CSMD1: variants seen among roughly 807,000 people sequenced by gnomAD.
CSMD1 encodes the protein CUB and sushi domain-containing protein 1.
A neutral mutation model predicts 417.5 loss-of-function variants in CSMD1; 213 were observed. That is an observed-to-expected ratio of 0.51 (90% CI 0.46 to 0.57). CSMD1 has a LOEUF of 0.57. CSMD1 is among the 20% of genes least tolerant of loss of function. The pLI, the probability that CSMD1 is intolerant of heterozygous loss-of-function variation, is 0.00. For missense variants in CSMD1, 6,923 were observed against 4,529.7 expected (o/e 1.53, Z -15.17); for synonymous variants, 2,862 against 1,736.8 (o/e 1.65, Z -16.11).
chr8:3,911,992 A>T (rs192718852), intron 5 of CSMD1, among the ~76,000 whole-genome samples: 6 of 152,198 alleles, frequency 3.9e-5, no homozygotes, highest in African/African-American at 1.4e-4. Flanking sequence ...ACCGATAAAA[A>T]TAGTTCAAAG....
intron 3 of CSMD1, among the ~76,000 whole-genome samples, chr8:4,388,321 GACACACAC>G (rs71205453): frequency 2.1e-4 from 20 of 95,596 alleles, no homozygotes; most frequent in Non-Finnish European, 3.9e-4. Flanking sequence ...CACACACACA[GACACACAC>G]ACACACACAC....
intron 3 of CSMD1, among the ~76,000 whole-genome samples, chr8:4,156,665 G>C (rs1796851982): frequency 6.6e-6 from 1 of 152,114 alleles, no homozygotes; most frequent in Non-Finnish European, 1.5e-5. Context: ...ATCTGCTTGT[G>C]ATTTAAGATA....
chr8:4,565,454 T>C (rs1798546470), intron 2 of CSMD1, among the ~76,000 whole-genome samples: 1 of 152,048 alleles, frequency 6.6e-6, no homozygotes, highest in Admixed American at 6.6e-5. Flanking sequence ...ATATAGATTT[T>C]AGCCCAGGCA....
intron 1 of CSMD1, among the ~76,000 whole-genome samples, chr8:4,765,769 C>T (rs1812423410): frequency 6.6e-6 from 1 of 152,108 alleles, no homozygotes. Context: ...GGGATAATTT[C>T]CATAATAGAG....
chr8:4,635,746 A>G (rs1802779716), intron 2 of CSMD1, among the ~76,000 whole-genome samples: 1 of 152,144 alleles, frequency 6.6e-6, no homozygotes, highest in Non-Finnish European at 1.5e-5. Flanking sequence ...TTTAAAGAGC[A>G]TAAATTATTT....
chr8:4,376,417 T>C lies in CSMD1; in HGVS notation c.415+43536A>G, dbSNP rs556989999. ...GTGCTGTGATTCTCTTGTGCATATTTTTTTCTTTACGTTTCAAAATATTTT... is the reference window on the plus strand; with the variant it reads ...GTGCTGTGATTCTCTTGTGCATATTCTTTTCTTTACGTTTCAAAATATTTT... On this transcript the variant is annotated intron_variant, in intron 3 of 69. Transcript: ENST00000635120. Among the ~76,000 whole-genome samples the C allele has an allele frequency of 2.6e-5, 4 of 152,324 alleles. No homozygotes were observed. The South Asian group carries it at 8.3e-4, about 32-fold the overall frequency.
intron 5 of CSMD1, among the ~76,000 whole-genome samples, chr8:3,913,336 G>C (rs1004076670): frequency 6.6e-6 from 1 of 152,014 alleles, no homozygotes; most frequent in Non-Finnish European, 1.5e-5. Context: ...AGAATCCAAG[G>C]CCAATCCGAT....
intron 7 of CSMD1, among the ~76,000 whole-genome samples, chr8:3,640,744 C>T (rs183234047): frequency 6.6e-6 from 1 of 152,260 alleles, no homozygotes; most frequent in East Asian, 1.9e-4. Context: ...GAAAAACATT[C>T]ATTGTACAGG....
At chr8:3,070,913 G>A (rs961411425) in intron 49 of CSMD1, among the ~76,000 whole-genome samples, 24 of 152,220 alleles carry the variant, frequency 1.6e-4, no homozygotes, top group Admixed American at 1.6e-3. Context: ...AGAAAAAGAG[G>A]TTTGATTGGC....
At chr8:3,548,659 TACACACACACACACACAC>T (rs146360407) in intron 10 of CSMD1, among the ~76,000 whole-genome samples, 1,932 of 133,112 alleles carry the variant, frequency 0.015, 17 homozygotes, top group East Asian at 0.073. Flanking sequence ...TATTCCATCA[TACACACACACACACACAC>T]ACACACACAC....
intron 65 of CSMD1, among the ~76,000 whole-genome samples, chr8:2,952,585 C>T (rs1802709928): frequency 6.6e-6 from 1 of 152,204 alleles, no homozygotes; most frequent in South Asian, 2.1e-4. Context: ...GACACATCTG[C>T]TTAGCCACTG....
intron 3 of CSMD1, among the ~76,000 whole-genome samples, chr8:4,169,537 C>T (rs780729395): frequency 6.6e-6 from 1 of 152,166 alleles, no homozygotes; most frequent in Non-Finnish European, 1.5e-5. Context: ...GAAATGGCAG[C>T]CTCCAAACTC....
intron 1 of CSMD1, among the ~76,000 whole-genome samples, chr8:4,714,584 A>G: frequency 6.6e-6 from 1 of 152,192 alleles, no homozygotes; most frequent in African/African-American, 2.4e-5. Context: ...TCATAGGGTT[A>G]TTGAATAACA....
At chr8:3,295,849 T>C (rs966862222) in intron 25 of CSMD1, among the ~76,000 whole-genome samples, 3 of 152,188 alleles carry the variant, frequency 2.0e-5, no homozygotes, top group Admixed American at 1.3e-4. Context: ...TTTGCATCTA[T>C]AAGACGTTCC....
At chr8:4,047,896 T>C (rs1798231078) in intron 3 of CSMD1, among the ~76,000 whole-genome samples, 1 of 152,144 alleles carries the variant, frequency 6.6e-6, no homozygotes, top group Non-Finnish European at 1.5e-5. Context: ...GAGCCTTTAG[T>C]TTGATTTTAT....
intron 3 of CSMD1, among the ~76,000 whole-genome samples, chr8:4,034,028 C>T (rs1360346252): frequency 1.3e-5 from 2 of 152,112 alleles, no homozygotes; most frequent in Non-Finnish European, 2.9e-5. Context: ...AAATGTATTT[C>T]CAATTGAACA....
intron 5 of CSMD1, among the ~76,000 whole-genome samples, chr8:3,945,784 A>T (rs1321574749): frequency 4.6e-5 from 7 of 152,248 alleles, no homozygotes; most frequent in African/African-American, 1.7e-4. Flanking sequence ...AAAGTAGATG[A>T]GAAGCAATTT....
intron 10 of CSMD1, among the ~76,000 whole-genome samples, chr8:3,544,856 C>A (rs76174832): frequency 0.025 from 3,741 of 152,204 alleles, 162 homozygotes; most frequent in African/African-American, 0.085. Context: ...AGATGCCTTA[C>A]AGCTATAGTA....
rs570515801 is a variant in CSMD1, at chr8:4,027,697, G to A, written c.610+4208C>T. Among the ~76,000 whole-genome samples the A allele has an allele frequency of 3.7e-4, 56 of 152,220 alleles. 1 individual carries two copies. In the South Asian group the frequency reaches 7.0e-3, roughly 19 times the overall value. On this transcript the variant is annotated intron_variant, in intron 4 of 69. Coordinates refer to ENST00000635120, the MANE Select transcript of CSMD1 (RefSeq NM_033225.6). ...TAACGGACTAATACAGATGACAACTGACATTTTAGACATGGGGGCCCATTG... is the reference window on the plus strand; with the variant it reads ...TAACGGACTAATACAGATGACAACTAACATTTTAGACATGGGGGCCCATTG...
Sources: gnomAD v4.1 joint callset for allele counts (sites outside exome capture counted in the v4.1 genomes callset) on GRCh38, gnomAD v4.1.1 for gene constraint, MANE v1.5 for transcripts, NCBI Gene and HGNC (gene_info 2026-07-23, HGNC 2026-07-21) for gene names.